ELAC2: variants seen among roughly 807,000 people sequenced by gnomAD.
ELAC2 encodes elaC ribonuclease Z 2.
Under a neutral mutation model 105.2 loss-of-function variants are expected in ELAC2, and 92 were observed. The ratio of observed to expected loss-of-function variants is 0.87; its 90% CI spans 0.74 to 1.04. The LOEUF (loss-of-function observed/expected upper bound fraction) is 1.04, where lower values mean the gene tolerates loss of function less well. Among genes scored for constraint, ELAC2 ranks in the 50% least tolerant of loss-of-function variants. The pLI is 0.00. For missense variants in ELAC2, 1,099 were observed against 1,071.7 expected, an observed-to-expected ratio of 1.03 and a Z score of -0.36; for synonymous variants, 468 against 409.1, an observed-to-expected ratio of 1.14 and a Z score of -1.74.
In ELAC2 at chr17:12,995,733, T is replaced by C. The variant is rs2040435108; in HGVS notation, c.1778A>G (p.Asn593Ser). Residue 593 changes from asparagine to serine, a missense_variant, in exon 19 of 24, where the codon AAC becomes AGC. Asn to Ser is a conservative substitution (Grantham distance 46, BLOSUM62 1). Coordinates refer to ENST00000338034, the MANE Select transcript of ELAC2 (RefSeq NM_018127.7). ...QLKAWLQQYH[N>S]QCQEVLHHIS... The stretch of plus-strand genomic sequence containing the variant: ...GTGGTGCAGGACCTCCTGGCACTGG[T>C]TGTGGTACTGCTGGAGCCAGGCTTT... The C allele has an allele frequency of 2.5e-6, 4 of 1,612,558 alleles. No individual in the cohort carries two copies. The highest frequency in any genetic ancestry group is 2.5e-6 in the Non-Finnish European group (3 of 1,179,492).
rs2143612862 is a variant in ELAC2, at chr17:13,003,510, C to T, written c.1048G>A (p.Val350Met). ...VVHMAPASVL[V>M]DSRYQQWMER... is the part of the protein sequence containing the mutation. ...ATCCACTGCTGGTACCTGCTGTCCA[C>T]AAGCACAGATGCTGGGGCCATGTGA... The change falls in exon 12 of 24, where the codon GTG becomes ATG. Residue 350 changes from valine to methionine, a missense_variant. Coordinates refer to ENST00000338034, the MANE Select transcript of ELAC2 (RefSeq NM_018127.7). The T allele has an allele frequency of 6.2e-7, 1 of 1,614,216 alleles. No homozygotes were observed. Among genetic ancestry groups the T allele is most frequent in the South Asian group, 1.1e-5 (1 of 91,092 alleles).
intron 5 of ELAC2, among the ~76,000 whole-genome samples, chr17:13,013,599 T>C (rs986002975): frequency 6.6e-6 from 1 of 152,198 alleles, no homozygotes; most frequent in African/African-American, 2.4e-5. Context: ...CCAGGGAACC[T>C]ATCATCGCAA....
chr17:12,996,771 A>G lies in ELAC2; in HGVS notation c.1521-86T>C, dbSNP rs555434264. ...CTGATGTCTGCTTTGGACAGGACCA[A>G]GAAGCAACTGCAGAAATTTCTGTCT... On this transcript the variant is annotated intron_variant, in intron 16 of 23. Transcript: ENST00000338034. 8.5e-5 allele frequency: 132 copies of G among 1,549,154 alleles called. 2 individuals are homozygous for G. The African/African-American group carries it at 1.3e-3, about 15-fold the overall frequency.
At chr17:12,996,832 A>C in intron 16 of ELAC2, 147 bp from the exon 17 acceptor site, 2 of 1,111,706 alleles carry the variant, frequency 1.8e-6, no homozygotes, top group East Asian at 2.6e-5. Context: ...TATAAAAGCC[A>C]ATTAATTTAA....
chr17:13,018,023 C>T lies in ELAC2; in HGVS notation c.-76G>A. On this transcript the variant is annotated 5_prime_UTR_variant, in exon 1 of 24. Coordinates refer to ENST00000338034, the MANE Select transcript of ELAC2 (RefSeq NM_018127.7). ...TTTCCCGTGCACCACCTAGCCGCTC[C>T]GCATGGCGGATCCAGCCAATCAGCG... 8 of 1,530,246 alleles carry T rather than the reference C, an allele frequency of 5.2e-6. No individual in the cohort carries two copies. Among genetic ancestry groups the T allele is most frequent in the Non-Finnish European group, 6.1e-6 (7 of 1,144,764 alleles). The allele number at this position is 1,530,246 out of a possible 1,614,324, so 94.8% of individuals were successfully genotyped here.
chr17:13,008,004 T>TA (rs2041204285), intron 8 of ELAC2, among the ~76,000 whole-genome samples: 1 of 150,266 alleles, frequency 6.7e-6, no homozygotes, highest in African/African-American at 2.5e-5. Flanking sequence ...AGTTCGAGAC[T>TA]AGCCTGGCCA....
chr17:13,001,804 A>G (rs180712173), intron 14 of ELAC2, among the ~76,000 whole-genome samples: 25 of 152,332 alleles, frequency 1.6e-4, no homozygotes, highest in Admixed American at 5.9e-4. Flanking sequence ...ACCAATAAAA[A>G]TCTTGTTACT....
chr17:13,005,498 A>T (rs1035056949), intron 10 of ELAC2, among the ~76,000 whole-genome samples: 1 of 152,210 alleles, frequency 6.6e-6, no homozygotes, highest in African/African-American at 2.4e-5. Flanking sequence ...TCAAGTACCA[A>T]GGAAAGCATG....
Position 13,005,917 on chromosome 17 carries a change from TC to T in ELAC2, c.797+3del, listed in dbSNP as rs2041083645. 2 of 1,613,946 alleles carry T rather than the reference TC, an allele frequency of 1.2e-6. No individual in the cohort carries two copies. Among genetic ancestry groups the T allele is most frequent in the African/African-American group, 2.7e-5 (2 of 74,866 alleles). On this transcript the variant is annotated splice_donor_region_variant and intron_variant, in intron 9 of 23. Coordinates refer to ENST00000338034, the MANE Select transcript of ELAC2 (RefSeq NM_018127.7). ...TCCCCAGAAGCCTTACCCCCCACAC[TC>T]ACACTGGGAGGCCCATCTCCTTTGC...
chr17:13,013,230 G>A lies in ELAC2; in HGVS notation c.536C>T (p.Thr179Ile), dbSNP rs2143669875. Residue 179 changes from threonine (T) to isoleucine (I), a missense_variant, in exon 6 of 24, where the codon ACA becomes ATA. Thr to Ile is a moderately conservative substitution (Grantham distance 89, BLOSUM62 -1). Coordinates refer to ENST00000338034, the MANE Select transcript of ELAC2 (RefSeq NM_018127.7). ...SAPEYEDETM[T>I]VYQIPIHSEQ... The stretch of plus-strand genomic sequence containing the variant: ...ACTGTGTATGGGGATCTGGTAAACT[G>A]TCATGGTTTCATCCTCGTATTCTGG... 2 of 1,614,172 alleles carry A rather than the reference G, an allele frequency of 1.2e-6. No individual in the cohort carries two copies. The highest frequency in any genetic ancestry group is 1.6e-4 in the Middle Eastern group (1 of 6,062).
intron 17 of ELAC2, 70 bp from the exon 18 acceptor site, chr17:12,996,048 C>T (rs2143564896): frequency 6.6e-7 from 1 of 1,522,744 alleles, no homozygotes; most frequent in Middle Eastern, 1.7e-4. Context: ...GGGTCTGCAG[C>T]CCTCTCTCTT....
At chr17:13,005,181 A>G (rs1290689915) in intron 10 of ELAC2, 80 bp from the exon 11 acceptor site, 14 of 958,746 alleles carry the variant, frequency 1.5e-5, no homozygotes, top group Non-Finnish European at 2.2e-5. Context: ...AACTGCTAAC[A>G]TGACATATCC....
At chr17:13,017,175 C>A (rs2041783059) in intron 1 of ELAC2, 54 bp from the exon 2 acceptor site, 1 of 1,448,130 alleles carries the variant, frequency 6.9e-7, no homozygotes, top group South Asian at 1.1e-5. Context: ...TGTAAACTCT[C>A]TGACACCAAT....
At chr17:13,014,395 A>G (rs367548694) in intron 5 of ELAC2, 44 bp downstream of exon 5, 22 of 1,473,766 alleles carry the variant, frequency 1.5e-5, no homozygotes, top group Middle Eastern at 1.7e-4. Context: ...CAGGGCATAT[A>G]TAAGTTAGAA....
chr17:12,993,139 G>T, intron 23 of ELAC2, 94 bp from the exon 24 acceptor site: 5 of 1,291,456 alleles, frequency 3.9e-6, no homozygotes, highest in Non-Finnish European at 5.5e-6. Context: ...TCACACAGCA[G>T]CGCCAACGCC....
chr17:13,012,834 G>A (rs1334131094), intron 6 of ELAC2, among the ~76,000 whole-genome samples: 1 of 152,072 alleles, frequency 6.6e-6, no homozygotes, highest in African/African-American at 2.4e-5. Flanking sequence ...TTAGGTTGCT[G>A]TAATCATTAT....
At chr17:13,015,103 G>A (rs2041647956) in intron 4 of ELAC2, among the ~76,000 whole-genome samples, 1 of 152,190 alleles carries the variant, frequency 6.6e-6, no homozygotes, top group South Asian at 2.1e-4. Context: ...AGGGCTTTAG[G>A]GTGGCAAGTG....
At position 12,992,285 on chromosome 17, in the gene ELAC2, G is replaced by A. The variant is rs952485795; in HGVS notation, c.*533C>T. On this transcript the variant is annotated 3_prime_UTR_variant, in exon 24 of 24. Coordinates refer to ENST00000338034, the MANE Select transcript of ELAC2 (RefSeq NM_018127.7). Reference sequence around the variant, plus strand: ...GGAGCTGACTTCTTCCAAGCCACCCGGGTACCAGGCAGCTGCCACACTACA... The same window carrying A: ...GGAGCTGACTTCTTCCAAGCCACCCAGGTACCAGGCAGCTGCCACACTACA... 3.3e-5 allele frequency: 8 copies of A among 240,572 alleles called. No individual in the cohort carries two copies. The highest frequency in any genetic ancestry group is 5.9e-5 in the East Asian group (1 of 16,908). 14.9% of individuals were successfully genotyped at this position (240,572 alleles called of 1,614,324 possible).
chr17:12,995,785 A>G lies in ELAC2; in HGVS notation c.1726T>C (p.Leu576=). The change falls in exon 19 of 24, where the codon TTG becomes CTG. Residue 576 remains leucine (L), a synonymous_variant. Coordinates refer to ENST00000338034, the MANE Select transcript of ELAC2 (RefSeq NM_018127.7). The part of the protein sequence containing the change: ...LASLGKPLHP[L]LVVAPNQLKA... ...AGCTGGTTGGGGGCAACCACCAGCA[A>G]AGGGTGAAGCGGCTTTCCCAAAGAT... The G allele has an allele frequency of 6.2e-7, 1 of 1,612,708 alleles. No individual in the cohort carries two copies. The highest frequency in any genetic ancestry group is 1.3e-5 in the African/African-American group (1 of 75,030).
Sources: gnomAD v4.1 joint callset for allele counts (sites outside exome capture counted in the v4.1 genomes callset) on GRCh38, gnomAD v4.1.1 for gene constraint, MANE v1.5 for transcripts, NCBI Gene and HGNC (gene_info 2026-07-23, HGNC 2026-07-21) for gene names.